Variants in NPAS4 observed in about 807,000 individuals in gnomAD.
NPAS4 encodes the protein neuronal PAS domain-containing protein 4.
In NPAS4, 10 loss-of-function variants were observed where a neutral mutation model predicts 64.0. The observed-to-expected ratio is 0.16, with a 90% CI of 0.10 to 0.26. The LOEUF (loss-of-function observed/expected upper bound fraction) is 0.26, where lower values mean the gene tolerates loss of function less well. NPAS4 is among the 10% of genes least tolerant of loss of function. NPAS4 has a pLI of 1.00. For missense variants in NPAS4, 886 were observed against 992.6 expected, an observed-to-expected ratio of 0.89 and a Z score of 1.44; for synonymous variants, 441 against 411.7, an observed-to-expected ratio of 1.07 and a Z score of -0.86.
chr11:66,424,369 G>C lies in NPAS4; in HGVS notation c.1479G>C (p.Ser493=), dbSNP rs138708121. 13,821 of 1,614,024 alleles carry C rather than the reference G, an allele frequency of 8.6e-3. 81 individuals carry two copies. The highest frequency in any genetic ancestry group is 0.017 in the Middle Eastern group (101 of 6,062). The change falls in exon 7 of 8, where the codon TCG becomes TCC. Residue 493 remains serine (S), a synonymous_variant. Coordinates refer to ENST00000311034, the MANE Select transcript of NPAS4 (RefSeq NM_178864.4). The part of the protein sequence containing the change: ...SPLQGQLTET[S]VRSYEDQLTP... ...TGCAAGGCCAGTTGACTGAAACCTC[G>C]GTCAGAAGCTATGAAGACCAGTTGA...
intron 7 of NPAS4, 74 bp from the exon 8 acceptor site, chr11:66,425,887 C>A: frequency 8.9e-7 from 1 of 1,128,644 alleles, no homozygotes; most frequent in Non-Finnish European, 1.4e-6. Context: ...CTAATACCAA[C>A]ACATTCTCAG....
At position 66,422,661 on chromosome 11, in the gene NPAS4, T is replaced by C; in HGVS notation, c.431-13T>C. 4.3e-6 allele frequency: 7 copies of C among 1,613,566 alleles called. No individual in the cohort carries two copies. The highest frequency in any genetic ancestry group is 5.9e-6 in the Non-Finnish European group (7 of 1,179,594). On this transcript the variant is annotated splice_polypyrimidine_tract_variant and intron_variant, in intron 3 of 7. Transcript: ENST00000311034. ...ACTCACCCTCTTATCTGTTTTTCTCTTCATCTATCTAGATCGCCTCTTCCG... is the reference window on the plus strand; with the variant it reads ...ACTCACCCTCTTATCTGTTTTTCTCCTCATCTATCTAGATCGCCTCTTCCG...
chr11:66,420,925 C>T, upstream of NPAS4: 2 of 440,722 alleles, frequency 4.5e-6, no homozygotes, highest in Non-Finnish European at 8.2e-6. Flanking sequence ...GTCAGCGGCT[C>T]CCGCTGCAGC....
At chr11:66,423,018 AG>A in intron 4 of NPAS4, 77 bp downstream of exon 4, 1 of 1,544,992 alleles carries the variant, frequency 6.5e-7, no homozygotes, top group Non-Finnish European at 8.8e-7. Context: ...AGTCAGGGGC[AG>A]GGAGGATGGG....
In NPAS4 at chr11:66,423,662, TATACTC is replaced by T; in HGVS notation, c.895_900del (p.Tyr299_Ser300del). 6.2e-7 allele frequency: 1 copy of T among 1,614,174 alleles called. No individual in the cohort carries two copies. Among genetic ancestry groups the T allele is most frequent in the African/African-American group, 1.3e-5 (1 of 75,052 alleles). On this transcript the variant is annotated inframe_deletion, in exon 6 of 8. Transcript: ENST00000311034. ...GGCTGGGCATGGATTTACTGCCTGT[TATACTC>T]AGAAGGTCCAGAGGGACCCATTACT...
chr11:66,413,809 C>T, the NPAS4 span, among the ~76,000 whole-genome samples: 2 of 152,290 alleles, frequency 1.3e-5, no homozygotes, highest in East Asian at 3.9e-4. Flanking sequence ...TTTGCTCTCC[C>T]CAAACTCCCA....
rs762171306 is a variant in NPAS4 at position 66,425,285 on chromosome 11, A to C, written c.2380+15A>C. On this transcript the variant is annotated intron_variant, in intron 7 of 7. Coordinates refer to ENST00000311034, the MANE Select transcript of NPAS4 (RefSeq NM_178864.4). Reference sequence around the variant, plus strand: ...CTTCCATGAAGGTGAGTCAGCCAAAAGGTCCAAGAACTCAAGTCCCTGTCC... The same window carrying C: ...CTTCCATGAAGGTGAGTCAGCCAAACGGTCCAAGAACTCAAGTCCCTGTCC... 3.4e-6 allele frequency: 5 copies of C among 1,456,608 alleles called. No individual in the cohort carries two copies. The allele number at this position is 1,456,608 out of a possible 1,614,324, so 90.2% of individuals were successfully genotyped here. A position where few individuals can be genotyped will look rare whatever the true frequency, so the allele number is the denominator to read the frequency against.
rs760175413 is a variant in NPAS4 at position 66,424,831 on chromosome 11, C to G, written c.1941C>G (p.Asp647Glu). The change falls in exon 7 of 8, where the codon GAC becomes GAG. Residue 647 changes from aspartate to glutamate, a missense_variant. Physicochemically the swap from Asp to Glu is conservative, Grantham distance 45. Around this residue, in one of 3 missense-constraint regions of NPAS4, gnomAD observed 820 missense variants for 855.5 expected, o/e 0.96. Coordinates refer to ENST00000311034, the MANE Select transcript of NPAS4 (RefSeq NM_178864.4). ...TTAGCCAATTGGCTCAGGGCATGGA[C>G]AGACCCTTCTCAGCTGAGGCTGGCA... The part of the protein sequence containing the change: ...QQISQLAQGM[D>E]RPFSAEAGTG... 6.2e-7 allele frequency: 1 copy of G among 1,613,626 alleles called. No homozygotes were observed. Among genetic ancestry groups the G allele is most frequent in the Non-Finnish European group, 8.5e-7 (1 of 1,179,830 alleles).
At position 66,424,547 on chromosome 11, in the gene NPAS4, C is replaced by G; in HGVS notation, c.1657C>G (p.Leu553Val). ...DSPSQTFPEQ[L>V]SPNPTKTYFA... ...CCCCAGCCAAACCTTCCCAGAGCAA[C>G]TGAGCCCCAACCCTACCAAGACTTA... is the stretch of plus-strand genomic sequence containing the variant. Residue 553 changes from leucine (L) to valine (V), a missense_variant, in exon 7 of 8, where the codon CTG becomes GTG. By Grantham distance (32) the Leu-to-Val change is conservative (BLOSUM62 1). Coordinates refer to ENST00000311034, the MANE Select transcript of NPAS4 (RefSeq NM_178864.4). 6.2e-7 allele frequency: 1 copy of G among 1,614,206 alleles called. No individual in the cohort carries two copies. Among genetic ancestry groups the G allele is most frequent in the South Asian group, 1.1e-5 (1 of 91,088 alleles).
Position 66,422,701 on chromosome 11 carries a change from C to T in NPAS4, c.458C>T (p.Thr153Ile), listed in dbSNP as rs761388893. Residue 153 changes from threonine (T) to isoleucine (I), a missense_variant, in exon 4 of 8, where the codon ACC (threonine) becomes ATC (isoleucine). Around this residue, in one of 3 missense-constraint regions of NPAS4, gnomAD observed 820 missense variants for 855.5 expected, o/e 0.96. Transcript: ENST00000311034. The part of the protein sequence containing the change: ...TDRLFRCRFN[T>I]SKSLRRQSAG... ...CGCCTCTTCCGCTGCCGCTTCAACACCTCCAAGTCCCTCAGGCGCCAGAGT... is the reference window on the plus strand; with the variant it reads ...CGCCTCTTCCGCTGCCGCTTCAACATCTCCAAGTCCCTCAGGCGCCAGAGT... The T allele has an allele frequency of 2.5e-6, 4 of 1,613,918 alleles. No individual in the cohort carries two copies. Among genetic ancestry groups the T allele is most frequent in the Non-Finnish European group, 3.4e-6 (4 of 1,179,954 alleles).
In NPAS4 at chr11:66,426,139, G is replaced by GA; in HGVS notation, c.*151dup. Reference sequence around the variant, plus strand: ...GGCCCTGCAGGATTTTGGGGGGGGGGAGGTGGGAGGGCAAGGGAGGGGAGC... The same window carrying GA: ...GGCCCTGCAGGATTTTGGGGGGGGGGAAGGTGGGAGGGCAAGGGAGGGGAGC... On this transcript the variant is annotated 3_prime_UTR_variant, in exon 8 of 8. Coordinates refer to ENST00000311034, the MANE Select transcript of NPAS4 (RefSeq NM_178864.4). 1 of 382,454 alleles carries GA rather than the reference G, an allele frequency of 2.6e-6. No individual in the cohort carries two copies. Among genetic ancestry groups the GA allele is most frequent in the Non-Finnish European group, 5.2e-6 (1 of 191,666 alleles). The allele number at this position is 382,454 out of a possible 1,614,324, so 23.7% of individuals were successfully genotyped here. A position where few individuals can be genotyped will look rare whatever the true frequency, so the allele number is the denominator to read the frequency against.
Position 66,425,054 on chromosome 11 carries a change from C to A in NPAS4, c.2164C>A (p.Pro722Thr). 1 of 1,610,494 alleles carries A rather than the reference C, an allele frequency of 6.2e-7. No homozygotes were observed. ...DIFMDLSTPD[P>T]SEEWGSGDPE... ...CTTCATGGATCTCTCTACCCCAGAT[C>A]CCAGTGAGGAATGGGGCTCAGGGGA... Residue 722 changes from proline (P) to threonine (T), a missense_variant, in exon 7 of 8, where the codon CCC becomes ACC. This residue lies in a region of NPAS4 where 820 missense variants were observed against 855.5 expected (regional missense o/e 0.96). Transcript: ENST00000311034.
At chr11:66,423,009 G>A (rs1282107053) in intron 4 of NPAS4, 68 bp downstream of exon 4, 2 of 1,562,050 alleles carry the variant, frequency 1.3e-6, no homozygotes, top group Non-Finnish European at 1.7e-6. Context: ...AGATTCTGGA[G>A]TCAGGGGCAG....
At chr11:66,413,566 C>T in the NPAS4 span, among the ~76,000 whole-genome samples, 58 of 152,236 alleles carry the variant, frequency 3.8e-4, no homozygotes, top group African/African-American at 1.4e-3. Context: ...AGGCTGCCCT[C>T]TCTCCACTTT....
Position 66,422,872 on chromosome 11 carries a change from C to A in NPAS4, c.629C>A (p.Ala210Asp), listed in dbSNP as rs1246435002. 3.7e-6 allele frequency: 6 copies of A among 1,611,566 alleles called. No homozygotes were observed. In the South Asian group the frequency reaches 6.6e-5, roughly 18 times the overall value. ...RPGPGPGPGP[A>D]SLFLAMFQSR... is the part of the protein sequence containing the mutation. ...GGTCCTGGCCCTGGCCCTGGCCCTG[C>A]CTCGCTCTTCCTGGCCATGTTCCAG... The change falls in exon 4 of 8, where the codon GCC becomes GAC. Residue 210 changes from alanine to aspartate, a missense_variant. Coordinates refer to ENST00000311034, the MANE Select transcript of NPAS4 (RefSeq NM_178864.4).
the NPAS4 span, among the ~76,000 whole-genome samples, chr11:66,411,968 A>T: frequency 6.6e-6 from 1 of 152,172 alleles, no homozygotes; most frequent in African/African-American, 2.4e-5. Context: ...ATGAATTAAT[A>T]CACTCATCAG....
Position 66,422,284 on chromosome 11 carries a change from G to A in NPAS4, c.327+13G>A, listed in dbSNP as rs1389443727. The A allele has an allele frequency of 1.2e-6, 2 of 1,613,598 alleles. No individual in the cohort carries two copies. Among genetic ancestry groups the A allele is most frequent in the Non-Finnish European group, 1.7e-6 (2 of 1,179,778 alleles). ...GGGCCACTCCATGGTGAGTGCTAAGGGTCCTTTCAGCTGAGGCTGGGCATG... is the reference window on the plus strand; with the variant it reads ...GGGCCACTCCATGGTGAGTGCTAAGAGTCCTTTCAGCTGAGGCTGGGCATG... On this transcript the variant is annotated intron_variant, in intron 2 of 7. Coordinates refer to ENST00000311034, the MANE Select transcript of NPAS4 (RefSeq NM_178864.4).
Position 66,424,850 on chromosome 11 carries a change from G to A in NPAS4, c.1960G>A (p.Ala654Thr). 6.2e-7 allele frequency: 1 copy of A among 1,612,976 alleles called. No individual in the cohort carries two copies. The highest frequency in any genetic ancestry group is 2.2e-5 in the East Asian group (1 of 44,868). The change falls in exon 7 of 8, where the codon GCT becomes ACT. Residue 654 changes from alanine (A) to threonine (T), a missense_variant. Ala to Thr is a moderately conservative substitution (Grantham distance 58, BLOSUM62 0). Transcript: ENST00000311034. Reference protein sequence around the residue: ...QGMDRPFSAEAGTGGLEPLGG... With the variant: ...QGMDRPFSAETGTGGLEPLGG... ...CATGGACAGACCCTTCTCAGCTGAGGCTGGCACTGGCGGACTAGAGCCACT... is the reference window on the plus strand; with the variant it reads ...CATGGACAGACCCTTCTCAGCTGAGACTGGCACTGGCGGACTAGAGCCACT...
chr11:66,415,257 G>C, the NPAS4 span, among the ~76,000 whole-genome samples: 1 of 152,174 alleles, frequency 6.6e-6, no homozygotes, highest in African/African-American at 2.4e-5. Flanking sequence ...CCAATAAGGA[G>C]CCTGACCCAT....
Sources: allele counts gnomAD v4.1 joint callset (sites outside exome capture counted in the v4.1 genomes callset), GRCh38; gene constraint gnomAD v4.1.1; regional missense constraint gnomAD v4.1.1; transcripts MANE v1.5; gene names NCBI Gene and HGNC (gene_info 2026-07-23, HGNC 2026-07-21).